Variants in MTRF1L observed in about 807,000 individuals in gnomAD.
The protein encoded by MTRF1L is mitochondrial translation release factor 1 like, also known as peptide chain release factor 1-like, mitochondrial.
In MTRF1L, 29 loss-of-function variants were observed where a neutral mutation model predicts 40.0. The ratio of observed to expected loss-of-function variants is 0.73; its 90% CI spans 0.54 to 0.99. The LOEUF is 0.99. MTRF1L is among the 50% of genes least tolerant of loss of function. The pLI, the probability that MTRF1L is intolerant of heterozygous loss-of-function variation, is 0.00. For missense variants in MTRF1L, 412 were observed against 464.5 expected (o/e 0.89, Z 1.04); for synonymous variants, 150 against 175.8 (o/e 0.85, Z 1.16).
chr6:153,002,301 T>C (rs1027308156), intron 1 of MTRF1L, 126 bp downstream of exon 1: 55 of 1,421,430 alleles, frequency 3.9e-5, no homozygotes, highest in Non-Finnish European at 5.4e-5. Context: ...TCCTGACCTC[T>C]GATCCAAAAT....
intron 4 of MTRF1L, 58 bp downstream of exon 4, chr6:152,994,455 C>G: frequency 6.8e-7 from 1 of 1,480,038 alleles, no homozygotes; most frequent in South Asian, 1.4e-5. Context: ...AATGTTAACT[C>G]TGGGGACAAG....
intron 4 of MTRF1L, 37 bp downstream of exon 4, chr6:152,994,476 A>C: frequency 6.4e-7 from 1 of 1,569,590 alleles, no homozygotes; most frequent in Non-Finnish European, 8.6e-7. Context: ...GCACTGTGCT[A>C]GGCCCGGGAT....
Position 153,002,631 on chromosome 6 carries a change from C to T in MTRF1L, c.55G>A (p.Val19Ile), listed in dbSNP as rs769691463. The change falls in exon 1 of 7, where the codon GTT becomes ATT. Residue 19 changes from valine (V) to isoleucine (I), a missense_variant. Coordinates refer to ENST00000367233, the MANE Select transcript of MTRF1L (RefSeq NM_019041.7). ...CTCAGGGGCCGGCGGGCTGGGCCAA[C>T]GGCCCGGCGGGGCCAGAGCCACCGG... Reference protein sequence around the residue: ...AARWLWPRRAVGPARRPLSSG... With the variant: ...AARWLWPRRAIGPARRPLSSG... 9.2e-6 allele frequency: 14 copies of T among 1,529,914 alleles called. No individual in the cohort carries two copies. Among genetic ancestry groups the T allele is most frequent in the East Asian group, 2.5e-5 (1 of 40,718 alleles). The allele number at this position is 1,529,914 out of a possible 1,614,324, so 94.8% of individuals were successfully genotyped here. A position where few individuals can be genotyped will look rare whatever the true frequency, so the allele number is the denominator to read the frequency against.
At chr6:152,995,721 CA>C (rs1466191370) in intron 2 of MTRF1L, among the ~76,000 whole-genome samples, 3 of 152,066 alleles carry the variant, frequency 2.0e-5, no homozygotes, top group Non-Finnish European at 2.9e-5. Flanking sequence ...GGCAGAAAAC[CA>C]AAAGCACTCA....
At chr6:152,990,667 AC>A (rs1778476409) in intron 6 of MTRF1L, 1 of 152,726 alleles carries the variant, frequency 6.5e-6, no homozygotes, top group Non-Finnish European at 1.5e-5. Flanking sequence ...TACTAAAAAT[AC>A]AAAAAATTAG....
At chr6:152,994,821 A>G (rs754462266) in intron 3 of MTRF1L, 145 bp from the exon 4 acceptor site, 18 of 1,029,730 alleles carry the variant, frequency 1.7e-5, no homozygotes, top group South Asian at 7.6e-5. Flanking sequence ...AAAATATTCA[A>G]TGTTTTAATA....
chr6:152,996,603 C>A (rs1303532702), intron 2 of MTRF1L, among the ~76,000 whole-genome samples: 1 of 152,122 alleles, frequency 6.6e-6, no homozygotes, highest in Non-Finnish European at 1.5e-5. Flanking sequence ...TCCTTCCTTA[C>A]CTAACATATT....
At position 152,998,060 on chromosome 6, in the gene MTRF1L, T is replaced by C. The variant is rs546304174; in HGVS notation, c.339+490A>G. Among the ~76,000 whole-genome samples the C allele has an allele frequency of 7.3e-5, 11 of 151,188 alleles. No individual in the cohort carries two copies. In the South Asian group the frequency reaches 2.3e-3, roughly 32 times the overall value. Reference sequence around the variant, plus strand: ...ACTTATGTCAATAAATTAAAGTTTATATATATATTTTTTTATCTTTTAATT... The same window carrying C: ...ACTTATGTCAATAAATTAAAGTTTACATATATATTTTTTTATCTTTTAATT... On this transcript the variant is annotated intron_variant, in intron 2 of 6. Transcript: ENST00000367233.
chr6:152,998,069 T>A (rs1030036697), intron 2 of MTRF1L, among the ~76,000 whole-genome samples: 70 of 151,480 alleles, frequency 4.6e-4, no homozygotes, highest in Non-Finnish European at 9.0e-4. Flanking sequence ...ATATATATAT[T>A]TTTTTATCTT....
intron 1 of MTRF1L, 60 bp from the exon 2 acceptor site, chr6:152,998,689 C>G: frequency 8.6e-7 from 1 of 1,163,114 alleles, no homozygotes; most frequent in African/African-American, 1.6e-5. Flanking sequence ...TGCTAGCAGA[C>G]TTCTAGGAAA....
In MTRF1L at chr6:152,987,423, A is replaced by G. The variant is rs544209272; in HGVS notation, c.*2472T>C. 6.6e-6 allele frequency: 1 copy of G among 152,308 alleles called. No homozygotes were observed. Among genetic ancestry groups the G allele is most frequent in the East Asian group, 1.9e-4 (1 of 5,184 alleles). The allele number at this position is 152,308 out of a possible 1,614,324, so 9.4% of individuals were successfully genotyped here. On this transcript the variant is annotated 3_prime_UTR_variant, in exon 7 of 7. Coordinates refer to ENST00000367233, the MANE Select transcript of MTRF1L (RefSeq NM_019041.7). ...TTTGGGAGACAATGGGAGCTTTTACATTGTTGAGCAAAGGAGTGACGAGAT... is the reference window on the plus strand; with the variant it reads ...TTTGGGAGACAATGGGAGCTTTTACGTTGTTGAGCAAAGGAGTGACGAGAT...
intron 5 of MTRF1L, among the ~76,000 whole-genome samples, chr6:152,991,611 A>G (rs1778521472): frequency 6.6e-6 from 1 of 152,136 alleles, no homozygotes. Flanking sequence ...CAGTGGCGCG[A>G]TCTCGGCTCA....
chr6:152,997,843 GCTC>G (rs1778764994), intron 2 of MTRF1L, among the ~76,000 whole-genome samples: 1 of 151,900 alleles, frequency 6.6e-6, no homozygotes, highest in African/African-American at 2.4e-5. Flanking sequence ...TCCTTATTTG[GCTC>G]CTCCTTTTTT....
chr6:152,995,421 C>A, intron 2 of MTRF1L, 102 bp from the exon 3 acceptor site: 1 of 1,085,588 alleles, frequency 9.2e-7, no homozygotes, highest in Non-Finnish European at 1.3e-6. Flanking sequence ...TAAGTTTCGC[C>A]AAGCAAATAA....
In MTRF1L at chr6:153,002,621, GCTGGGCCAACGGCCCGGCGGGGC is replaced by G. The variant is rs1389806267; in HGVS notation, c.42_64del (p.Trp14CysfsTer9). The G allele has an allele frequency of 6.5e-7, 1 of 1,537,058 alleles. No individual in the cohort carries two copies. The highest frequency in any genetic ancestry group is 8.8e-7 in the Non-Finnish European group (1 of 1,142,440). On this transcript the variant is annotated frameshift_variant, in exon 1 of 7. Coordinates refer to ENST00000367233, the MANE Select transcript of MTRF1L (RefSeq NM_019041.7). LOFTEE classifies it high-confidence loss of function. Reference sequence around the variant, plus strand: ...GCTACCGGAGCTCAGGGGCCGGCGGGCTGGGCCAACGGCCCGGCGGGGCCAGAGCCACCGGGCAGCGCCCCACA... The same window carrying G: ...GCTACCGGAGCTCAGGGGCCGGCGGGCAGAGCCACCGGGCAGCGCCCCACA...
At chr6:152,998,057 TTATATA>T (rs957103441) in intron 2 of MTRF1L, among the ~76,000 whole-genome samples, 1 of 151,470 alleles carries the variant, frequency 6.6e-6, no homozygotes, top group Admixed American at 6.6e-5. Context: ...AAATTAAAGT[TTATATA>T]TATATTTTTT....
chr6:152,991,397 C>A, intron 5 of MTRF1L, 76 bp from the exon 6 acceptor site: 1 of 1,418,460 alleles, frequency 7.0e-7, no homozygotes. Flanking sequence ...TACTTTTCCT[C>A]CTCATCCTTT....
intron 6 of MTRF1L, among the ~76,000 whole-genome samples, 200 bp downstream of exon 6, chr6:152,990,985 A>G (rs772580901): frequency 6.6e-6 from 1 of 152,198 alleles, no homozygotes; most frequent in African/African-American, 2.4e-5. Flanking sequence ...ACGGATTAAA[A>G]GTCTGAGAAA....
intron 2 of MTRF1L, among the ~76,000 whole-genome samples, chr6:152,996,245 C>G (rs1259760133): frequency 4.6e-5 from 7 of 152,148 alleles, no homozygotes; most frequent in Admixed American, 2.6e-4. Flanking sequence ...TACCTGAGTA[C>G]ACTGCTATCA....
Sources: gnomAD v4.1 joint callset for allele counts (sites outside exome capture counted in the v4.1 genomes callset) on GRCh38, gnomAD v4.1.1 for gene constraint, MANE v1.5 for transcripts, NCBI Gene and HGNC (gene_info 2026-07-23, HGNC 2026-07-21) for gene names.